The following WNK2 variants were observed in gnomAD, a reference collection of about 807,000 sequenced individuals.
WNK2 encodes WNK lysine deficient protein kinase 2, also known as serine/threonine-protein kinase WNK2.
In WNK2, 67 loss-of-function variants were observed where a neutral mutation model predicts 192.1. The ratio of observed to expected loss-of-function variants is 0.35; its 90% CI spans 0.29 to 0.43. WNK2 has a LOEUF of 0.43. Among genes scored for constraint, WNK2 ranks in the 20% least tolerant of loss-of-function variants. The pLI is 1.00. For missense variants in WNK2, 2,698 were observed against 3,089.7 expected (o/e 0.87, Z 3.01); for synonymous variants, 1,439 against 1,393.9 (o/e 1.03, Z -0.72).
rs528319781 is a variant in WNK2 at position 93,262,067 on chromosome 9, C to T, written c.3320C>T (p.Pro1107Leu). ...PLPGGPGIAS[P>L]CPTVQLTVEP... ...CCTGGCGGGCCCGGGATCGCCAGCCCTTGCCCAACTGTCCAGCTGACGGTG... is the reference window on the plus strand; with the variant it reads ...CCTGGCGGGCCCGGGATCGCCAGCCTTTGCCCAACTGTCCAGCTGACGGTG... The change falls in exon 13 of 30, where the codon CCT (proline) becomes CTT (leucine). Residue 1107 changes from proline to leucine, a missense_variant. Pro to Leu is a moderately conservative substitution (Grantham distance 98). Transcript: ENST00000427277. 1.2e-6 allele frequency: 2 copies of T among 1,608,900 alleles called. No homozygotes were observed. Among genetic ancestry groups the T allele is most frequent in the East Asian group, 4.5e-5 (2 of 44,780 alleles).
At chr9:93,314,063 G>C (rs1212520600) in intron 28 of WNK2, among the ~76,000 whole-genome samples, 2 of 151,226 alleles carry the variant, frequency 1.3e-5, no homozygotes, top group Non-Finnish European at 2.9e-5. Context: ...CTGAGGTCAG[G>C]AGTTCAAGAC....
chr9:93,262,564 G>T, intron 13 of WNK2, 106 bp from the exon 14 acceptor site: 1 of 1,262,170 alleles, frequency 7.9e-7, no homozygotes, highest in Non-Finnish European at 1.1e-6. Flanking sequence ...AGCGGGGCAG[G>T]CTGGGCTGAG....
In WNK2 at chr9:93,263,753, G is replaced by A; in HGVS notation, c.3579+19G>A. ...CTTGAACGTGAGTGGGCGGGGCGTG[G>A]CGGGGGTGTGGTGGGGGTGGGGGCA... On this transcript the variant is annotated intron_variant, in intron 15 of 29. Transcript: ENST00000427277. 7.0e-7 allele frequency: 1 copy of A among 1,427,220 alleles called. No homozygotes were observed. Among genetic ancestry groups the A allele is most frequent in the Non-Finnish European group, 9.2e-7 (1 of 1,087,482 alleles). The allele number at this position is 1,427,220 out of a possible 1,614,324, so 88.4% of individuals were successfully genotyped here.
intron 19 of WNK2, among the ~76,000 whole-genome samples, chr9:93,287,626 G>T (rs1432677104): frequency 6.6e-6 from 1 of 152,180 alleles, no homozygotes; most frequent in Non-Finnish European, 1.5e-5. Flanking sequence ...GTTTACCTTT[G>T]TTGGGCCAGG....
At chr9:93,208,952 G>C (rs1175338281) in intron 2 of WNK2, among the ~76,000 whole-genome samples, 1 of 152,146 alleles carries the variant, frequency 6.6e-6, no homozygotes, top group African/African-American at 2.4e-5. Context: ...CTCTGATGGT[G>C]CCTTGGTGAC....
rs1848930292 is a variant in WNK2, at chr9:93,289,193, C to T, written c.4439C>T (p.Pro1480Leu). Residue 1480 changes from proline to leucine, a missense_variant, in exon 20 of 30, where the codon CCT becomes CTT. By Grantham distance (98) the Pro-to-Leu change is moderately conservative. This residue lies in a region of WNK2 where 1,098 missense variants were observed against 1,101.0 expected (regional missense o/e 1.00). Coordinates refer to ENST00000427277, the MANE Select transcript of WNK2 (RefSeq NM_006648.4). ...APREPLPPPAPEPSPHSGTPQ... is the reference protein window; with the variant it reads ...APREPLPPPALEPSPHSGTPQ... ...AGGGAGCCCCTGCCACCTCCTGCAC[C>T]TGAGCCCAGCCCCCACAGCGGGACC... 1 of 1,602,198 alleles carries T rather than the reference C, an allele frequency of 6.2e-7. No individual in the cohort carries two copies. The highest frequency in any genetic ancestry group is 1.3e-5 in the African/African-American group (1 of 74,804).
intron 23 of WNK2, among the ~76,000 whole-genome samples, chr9:93,293,534 G>C (rs1849721893): frequency 6.6e-6 from 1 of 152,118 alleles, no homozygotes; most frequent in South Asian, 2.1e-4. Context: ...TGGCCAGGCT[G>C]GTCTCAAACT....
intron 28 of WNK2, among the ~76,000 whole-genome samples, chr9:93,309,404 T>G (rs1420673985): frequency 6.6e-6 from 1 of 152,244 alleles, no homozygotes; most frequent in African/African-American, 2.4e-5. Flanking sequence ...TCTTCTACAC[T>G]TTTAACACCA....
At chr9:93,209,546 GGTTT>G (rs1020567497) in intron 2 of WNK2, among the ~76,000 whole-genome samples, 41 of 152,348 alleles carry the variant, frequency 2.7e-4, no homozygotes, top group African/African-American at 6.7e-4. Flanking sequence ...TTCTGGTCTT[GGTTT>G]GTTCTTACCA....
At chr9:93,291,835 A>G (rs1849414771) in intron 21 of WNK2, among the ~76,000 whole-genome samples, 1 of 152,220 alleles carries the variant, frequency 6.6e-6, no homozygotes, top group South Asian at 2.1e-4. Flanking sequence ...AAAGCTAGTC[A>G]GAAAGAGCTC....
rs146791121 is a variant in WNK2 at position 93,221,181 on chromosome 9, A to G, written c.682-8515A>G. Among the ~76,000 whole-genome samples the G allele has an allele frequency of 5.3e-3, 814 of 152,280 alleles. 7 individuals carry two copies. Among genetic ancestry groups the G allele is most frequent in the African/African-American group, 0.018 (765 of 41,566 alleles). On this transcript the variant is annotated intron_variant, in intron 2 of 29. Coordinates refer to ENST00000427277, the MANE Select transcript of WNK2 (RefSeq NM_006648.4). ...CTCATGCTGGGCATGGGGGCTTCCTAACAGGCAGGTGGGTGGGGACCCCCG... is the reference window on the plus strand; with the variant it reads ...CTCATGCTGGGCATGGGGGCTTCCTGACAGGCAGGTGGGTGGGGACCCCCG...
At chr9:93,250,561 G>A (rs1842442439) in intron 8 of WNK2, among the ~76,000 whole-genome samples, 1 of 152,182 alleles carries the variant, frequency 6.6e-6, no homozygotes, top group South Asian at 2.1e-4. Flanking sequence ...AACAAGATTG[G>A]CAAACAGACA....
intron 19 of WNK2, among the ~76,000 whole-genome samples, chr9:93,279,220 A>T (rs528618389): frequency 5.6e-4 from 86 of 152,252 alleles, no homozygotes; most frequent in Admixed American, 9.8e-4. Context: ...AGAAAAACAA[A>T]TGGAATCCCC....
At position 93,257,029 on chromosome 9, in the gene WNK2, C is replaced by G. The variant is rs41278262; in HGVS notation, c.2272C>G (p.His758Asp). ...GGTCCCCCTCCAGCCGGTTCCCCCCCACCTGCCACCGTACCTGGCTCCAGC... is the reference window on the plus strand; with the variant it reads ...GGTCCCCCTCCAGCCGGTTCCCCCCGACCTGCCACCGTACCTGGCTCCAGC... ...PVVPLQPVPPHLPPYLAPASQ... is the reference protein window; with the variant it reads ...PVVPLQPVPPDLPPYLAPASQ... Residue 758 changes from histidine to aspartate, a missense_variant, in exon 11 of 30, where the codon CAC (histidine) becomes GAC (aspartate). Transcript: ENST00000427277. This position sits in a 1 kb window ranked among gnomAD's most constrained non-coding sequence, Gnocchi z 4.7. 1.9e-4 allele frequency: 305 copies of G among 1,604,430 alleles called. 4 individuals are homozygous for G. In the South Asian group the frequency reaches 2.9e-3, roughly 15 times the overall value.
chr9:93,189,436 T>A (rs1829923138), intron 2 of WNK2, among the ~76,000 whole-genome samples: 1 of 152,200 alleles, frequency 6.6e-6, no homozygotes, highest in Admixed American at 6.5e-5. Context: ...GTGGGGGCGC[T>A]GCTTCTAGTT....
In WNK2 at chr9:93,299,119, A is replaced by G; in HGVS notation, c.5973A>G (p.Gln1991=). ...GCCCTCCCGCTAAGGACCCTGCCCAAGCCAGTGTGGGGCTCACTGCAGACA... is the reference window on the plus strand; with the variant it reads ...GCCCTCCCGCTAAGGACCCTGCCCAGGCCAGTGTGGGGCTCACTGCAGACA... ...SRGPPAKDPA[Q]ASVGLTADST... Residue 1991 remains glutamine (Q), a synonymous_variant, in exon 25 of 30, where the codon CAA becomes CAG. Coordinates refer to ENST00000427277, the MANE Select transcript of WNK2 (RefSeq NM_006648.4). 1.9e-6 allele frequency: 3 copies of G among 1,611,926 alleles called. No individual in the cohort carries two copies. The highest frequency in any genetic ancestry group is 2.5e-6 in the Non-Finnish European group (3 of 1,179,678).
At chr9:93,265,023 G>C (rs1360336469) in intron 16 of WNK2, among the ~76,000 whole-genome samples, 2 of 152,216 alleles carry the variant, frequency 1.3e-5, no homozygotes, top group East Asian at 3.8e-4. Context: ...CTGGCTTTCT[G>C]CTCCTAGGGA....
At chr9:93,277,554 A>G (rs1219908312) in intron 19 of WNK2, among the ~76,000 whole-genome samples, 1 of 152,218 alleles carries the variant, frequency 6.6e-6, no homozygotes, top group Non-Finnish European at 1.5e-5. Flanking sequence ...GTGAACCTCA[A>G]AGGCATTAAG....
chr9:93,277,491 A>C (rs1332790666), intron 19 of WNK2, among the ~76,000 whole-genome samples: 1 of 152,228 alleles, frequency 6.6e-6, no homozygotes, highest in Non-Finnish European at 1.5e-5. Flanking sequence ...GAATAGATAA[A>C]AACTATGGTA....
Sources: allele counts gnomAD v4.1 joint callset (sites outside exome capture counted in the v4.1 genomes callset), GRCh38; gene constraint gnomAD v4.1.1; regional missense constraint gnomAD v4.1.1; non-coding constraint Gnocchi (gnomAD v3.1); transcripts MANE v1.5; gene names NCBI Gene and HGNC (gene_info 2026-07-23, HGNC 2026-07-21).